CACNA1G: variants seen among roughly 807,000 people sequenced by gnomAD.
CACNA1G encodes the protein calcium voltage-gated channel subunit alpha1 G.
A neutral mutation model predicts 219.4 loss-of-function variants in CACNA1G; 67 were observed. The ratio of observed to expected loss-of-function variants is 0.31; its 90% CI spans 0.25 to 0.37. The LOEUF is 0.37. Ranked by LOEUF, CACNA1G falls within the 10% of genes least tolerant of loss-of-function variation. The pLI is 1.00. For missense variants in CACNA1G, 2,380 were observed against 3,231.4 expected (o/e 0.74, Z 6.39); for synonymous variants, 1,296 against 1,345.3 (o/e 0.96, Z 0.80).
intron 19 of CACNA1G, among the ~76,000 whole-genome samples, chr17:50,602,608 G>T (rs2046965494): frequency 6.6e-6 from 1 of 152,206 alleles, no homozygotes; most frequent in South Asian, 2.1e-4. Context: ...ACAGACAGGG[G>T]TGTGACTGTC....
chr17:50,591,644 C>G (rs368291079), intron 11 of CACNA1G, 24 bp downstream of exon 11: 2 of 1,611,282 alleles, frequency 1.2e-6, no homozygotes, highest in Non-Finnish European at 1.7e-6. Context: ...GGCACCTTGC[C>G]GGCTGAGAGA....
intron 22 of CACNA1G, among the ~76,000 whole-genome samples, 159 bp downstream of exon 22, chr17:50,604,440 G>T (rs2047496540): frequency 6.6e-6 from 1 of 152,194 alleles, no homozygotes; most frequent in African/African-American, 2.4e-5. Context: ...TTTACCTCCT[G>T]GGCATTTCAA....
chr17:50,584,506 A>G (rs2042610875), intron 9 of CACNA1G, among the ~76,000 whole-genome samples: 1 of 151,800 alleles, frequency 6.6e-6, no homozygotes, highest in Non-Finnish European at 1.5e-5. Flanking sequence ...CTGGAGTCCC[A>G]CAGAAGCTTT....
At chr17:50,581,611 G>A (rs1456810649) in intron 9 of CACNA1G, among the ~76,000 whole-genome samples, 3 of 152,180 alleles carry the variant, frequency 2.0e-5, no homozygotes, top group Admixed American at 6.5e-5. Context: ...CACCCCGCCC[G>A]GGGCTGGCCC....
In CACNA1G at chr17:50,596,441, C is replaced by T. The variant is rs963929626; in HGVS notation, c.2980-121C>T. 31 of 788,292 alleles carry T rather than the reference C, an allele frequency of 3.9e-5. No individual in the cohort carries two copies. The highest frequency in any genetic ancestry group is 3.2e-4 in the African/African-American group (19 of 58,770). The allele number at this position is 788,292 out of a possible 1,614,324, so 48.8% of individuals were successfully genotyped here. On this transcript the variant is annotated intron_variant, in intron 14 of 37. Transcript: ENST00000359106. This position sits in a 1 kb window ranked among gnomAD's most constrained non-coding sequence, Gnocchi z 4.8. ...GGCCTGCGCCGTGCATGTCTCGTGC[C>T]GTGGTTGCTGGTTCCTGTGGCCTAT...
intron 25 of CACNA1G, among the ~76,000 whole-genome samples, chr17:50,609,138 C>G (rs1056211893): frequency 6.6e-6 from 1 of 152,152 alleles, no homozygotes; most frequent in Non-Finnish European, 1.5e-5. Flanking sequence ...GAGGGGTTGC[C>G]GTGCCCCTGC....
At chr17:50,613,450 C>G (rs1030032094) in intron 26 of CACNA1G, among the ~76,000 whole-genome samples, 1 of 152,022 alleles carries the variant, frequency 6.6e-6, no homozygotes. Flanking sequence ...AGGAGGGTCC[C>G]GGCTGAATTG....
chr17:50,624,867 A>G (rs1212714489), intron 37 of CACNA1G, among the ~76,000 whole-genome samples: 2 of 149,072 alleles, frequency 1.3e-5, no homozygotes, highest in African/African-American at 2.5e-5. Flanking sequence ...TCTTCTCCCC[A>G]CTTTGGACTG....
At chr17:50,587,411 A>T (rs1027574129) in intron 9 of CACNA1G, among the ~76,000 whole-genome samples, 3 of 152,012 alleles carry the variant, frequency 2.0e-5, no homozygotes, top group Non-Finnish European at 4.4e-5. Flanking sequence ...TGTTGGCTCC[A>T]CCCCTGCCCC....
intron 10 of CACNA1G, 68 bp from the exon 11 acceptor site, chr17:50,591,367 T>C: frequency 7.1e-7 from 1 of 1,409,168 alleles, no homozygotes; most frequent in Non-Finnish European, 9.4e-7. Context: ...TGCTACTGAG[T>C]CCTCTCCGAG....
chr17:50,587,985 T>C (rs1263505942), intron 9 of CACNA1G, among the ~76,000 whole-genome samples: 1 of 152,196 alleles, frequency 6.6e-6, no homozygotes, highest in African/African-American at 2.4e-5. Flanking sequence ...GTAGTCGGAC[T>C]TTTAGAATTC....
intron 1 of CACNA1G, among the ~76,000 whole-genome samples, chr17:50,564,535 C>T (rs904080586): frequency 2.0e-5 from 3 of 149,748 alleles, no homozygotes; most frequent in Non-Finnish European, 4.5e-5. Flanking sequence ...GAGGCCTGAA[C>T]GGCAGGAGCC....
In CACNA1G at chr17:50,561,420, GC is replaced by G; in HGVS notation, c.-36del. On this transcript the variant is annotated 5_prime_UTR_variant, in exon 1 of 38. Transcript: ENST00000359106. ...ACACCTCCTCTGAGGGGCGCCGCTT[GC>G]CCCTCTCCGGATCGCCCGGGGCCCC... 2.0e-6 allele frequency: 3 copies of G among 1,533,024 alleles called. No homozygotes were observed. Among genetic ancestry groups the G allele is most frequent in the Non-Finnish European group, 1.7e-6 (2 of 1,146,350 alleles). 95.0% of individuals were successfully genotyped at this position (1,533,024 alleles called of 1,614,324 possible).
chr17:50,613,918 C>G, intron 26 of CACNA1G, among the ~76,000 whole-genome samples: 1 of 152,276 alleles, frequency 6.6e-6, no homozygotes, highest in African/African-American at 2.4e-5. Flanking sequence ...TCTTGGGGCT[C>G]TGTTCTCGAA....
chr17:50,588,636 C>T (rs1334497648), intron 9 of CACNA1G, among the ~76,000 whole-genome samples: 3 of 152,176 alleles, frequency 2.0e-5, no homozygotes, highest in Non-Finnish European at 2.9e-5. Flanking sequence ...TGGCAGTGCC[C>T]CCACTCACAA....
At position 50,609,928 on chromosome 17, in the gene CACNA1G, T is replaced by C. The variant is rs750718789; in HGVS notation, c.4752T>C (p.Ala1584=). The C allele has an allele frequency of 1.2e-6, 2 of 1,610,702 alleles. No homozygotes were observed. Among genetic ancestry groups the C allele is most frequent in the South Asian group, 2.2e-5 (2 of 91,074 alleles). Residue 1584 remains alanine (A), a synonymous_variant, in exon 26 of 38, where the codon GCT becomes GCC. Coordinates refer to ENST00000359106, the MANE Select transcript of CACNA1G (RefSeq NM_018896.5). ...DVIASGSSAS[A]ASEAQCKPYY... ...TTGCTTCCGGCAGCTCAGCCAGCGCTGCGTCAGGTACTGCGTCTGGGGTGT... is the reference window on the plus strand; with the variant it reads ...TTGCTTCCGGCAGCTCAGCCAGCGCCGCGTCAGGTACTGCGTCTGGGGTGT...
chr17:50,561,532 C>A lies in CACNA1G; in HGVS notation c.73C>A (p.Leu25Met). 6.5e-7 allele frequency: 1 copy of A among 1,538,068 alleles called. No individual in the cohort carries two copies. The highest frequency in any genetic ancestry group is 8.7e-7 in the Non-Finnish European group (1 of 1,146,440). The change falls in exon 1 of 38, where the codon CTG becomes ATG. Residue 25 changes from leucine to methionine, a missense_variant. Around this residue, in one of 17 missense-constraint regions of CACNA1G, gnomAD observed 98 missense variants for 85.5 expected, o/e 1.15. Coordinates refer to ENST00000359106, the MANE Select transcript of CACNA1G (RefSeq NM_018896.5). The part of the protein sequence containing the change: ...QPRSFMRLND[L>M]SGAGGRPGPG... ...CCGGAGCTTCATGCGGCTCAACGAC[C>A]TGTCGGGGGCCGGGGGCCGGCCGGG...
In CACNA1G at chr17:50,596,423, G is replaced by T. The variant is rs905870940; in HGVS notation, c.2980-139G>T. On this transcript the variant is annotated intron_variant, in intron 14 of 37. Transcript: ENST00000359106. The surrounding 1 kb of genome is among the most constrained non-coding windows in gnomAD (Gnocchi z 4.8). ...CCCAAGCCTGGGGGGTCTGGCCTGC[G>T]CCGTGCATGTCTCGTGCCGTGGTTG... 1 of 706,860 alleles carries T rather than the reference G, an allele frequency of 1.4e-6. No homozygotes were observed. The highest frequency in any genetic ancestry group is 2.5e-6 in the Non-Finnish European group (1 of 402,432). The allele number at this position is 706,860 out of a possible 1,614,324, so 43.8% of individuals were successfully genotyped here.
At chr17:50,620,172 A>G (rs2051475807) in intron 34 of CACNA1G, among the ~76,000 whole-genome samples, 1 of 152,076 alleles carries the variant, frequency 6.6e-6, no homozygotes, top group Admixed American at 6.5e-5. Flanking sequence ...GGTGGAGGGA[A>G]GGAGGTATCA....
Sources: gnomAD v4.1 joint callset for allele counts (sites outside exome capture counted in the v4.1 genomes callset) on GRCh38, gnomAD v4.1.1 for gene constraint, gnomAD v4.1.1 regional missense constraint, Gnocchi (gnomAD v3.1) non-coding constraint, MANE v1.5 for transcripts, NCBI Gene and HGNC (gene_info 2026-07-23, HGNC 2026-07-21) for gene names.